The following CACNA2D1 variants were observed in gnomAD, a reference collection of about 807,000 sequenced individuals.
The protein encoded by CACNA2D1 is voltage-dependent calcium channel subunit alpha-2/delta-1.
In CACNA2D1, 53 loss-of-function variants were observed where a neutral mutation model predicts 171.5. The ratio of observed to expected loss-of-function variants is 0.31; its 90% CI spans 0.25 to 0.39. The LOEUF (loss-of-function observed/expected upper bound fraction) is 0.39, where lower values mean the gene tolerates loss of function less well. CACNA2D1 is among the 10% of genes least tolerant of loss of function. The probability of loss-of-function intolerance (pLI) is 1.00; values close to 1 mark genes in which losing one functional copy is unlikely to be tolerated. For missense variants in CACNA2D1, 903 were observed against 1,299.8 expected, an observed-to-expected ratio of 0.69 and a Z score of 4.69; for synonymous variants, 442 against 443.1, an observed-to-expected ratio of 1.00 and a Z score of 0.03.
At chr7:82,379,388 C>T (rs1585724774) in intron 1 of CACNA2D1, among the ~76,000 whole-genome samples, 1 of 152,112 alleles carries the variant, frequency 6.6e-6, no homozygotes, top group Non-Finnish European at 1.5e-5. Context: ...ATCATAGAAG[C>T]ATCTAAATAT....
chr7:82,083,733 G>A lies in CACNA2D1; in HGVS notation c.658+1036C>T, dbSNP rs576063648. 2.0e-5 allele frequency among the ~76,000 whole-genome samples: 3 copies of A among 152,250 alleles called. No homozygotes were observed. In the South Asian group the frequency reaches 6.2e-4, roughly 32 times the overall value. On this transcript the variant is annotated intron_variant, in intron 7 of 38. Coordinates refer to ENST00000356860, the MANE Select transcript of CACNA2D1 (RefSeq NM_000722.4). ...ACCATCTGGCATCTGCAACCCTGCA[G>A]AAGTTATATGGTTTTTACCTAATTT...
At chr7:82,384,302 T>A (rs544104731) in intron 1 of CACNA2D1, among the ~76,000 whole-genome samples, 2 of 152,110 alleles carry the variant, frequency 1.3e-5, no homozygotes, top group African/African-American at 4.8e-5. Context: ...TTAGATGAGA[T>A]CATGAGTATG....
intron 3 of CACNA2D1, among the ~76,000 whole-genome samples, chr7:82,218,124 C>T (rs1326792039): frequency 1.3e-5 from 2 of 151,660 alleles, no homozygotes; most frequent in Non-Finnish European, 2.9e-5. Context: ...TTAGTAGAGA[C>T]GTGGTTTCAC....
At chr7:82,150,422 T>TAA (rs3839798) in intron 4 of CACNA2D1, among the ~76,000 whole-genome samples, 9 of 140,732 alleles carry the variant, frequency 6.4e-5, no homozygotes, top group African/African-American at 1.6e-4. Flanking sequence ...AGCTTTCCCT[T>TAA]AAAAAAAAAA....
At chr7:82,199,396 C>T (rs961268635) in intron 3 of CACNA2D1, among the ~76,000 whole-genome samples, 2 of 152,016 alleles carry the variant, frequency 1.3e-5, no homozygotes, top group African/African-American at 4.8e-5. Flanking sequence ...TTTGTTTCAT[C>T]ATAAATGAAC....
intron 3 of CACNA2D1, among the ~76,000 whole-genome samples, chr7:82,307,051 G>C (rs1250883813): frequency 6.6e-6 from 1 of 152,116 alleles, no homozygotes; most frequent in Non-Finnish European, 1.5e-5. Flanking sequence ...AGGGTTCTAT[G>C]CTCCCACAGC....
In CACNA2D1 at chr7:82,300,489, T is replaced by C. The variant is rs1287975388; in HGVS notation, c.294+34646A>G. Among the ~76,000 whole-genome samples the C allele has an allele frequency of 5.3e-5, 8 of 152,300 alleles. No homozygotes were observed. The East Asian group carries it at 1.5e-3, about 29-fold the overall frequency. On this transcript the variant is annotated intron_variant, in intron 3 of 38. Coordinates refer to ENST00000356860, the MANE Select transcript of CACNA2D1 (RefSeq NM_000722.4). ...AAGTAAAAGCCATGAGTAATTCATA[T>C]AAAACTAAAGGTTATCAGAATATAT...
intron 5 of CACNA2D1, among the ~76,000 whole-genome samples, 153 bp from the exon 6 acceptor site, chr7:82,117,326 A>G (rs1789181383): frequency 6.6e-6 from 1 of 152,150 alleles, no homozygotes; most frequent in South Asian, 2.1e-4. Context: ...GGATACACAA[A>G]TTTCCATTCA....
At chr7:81,978,218 CCAG>C (rs1465242517) in intron 24 of CACNA2D1, among the ~76,000 whole-genome samples, 2 of 152,008 alleles carry the variant, frequency 1.3e-5, no homozygotes, top group African/African-American at 4.8e-5. Flanking sequence ...GCCATTTGAC[CCAG>C]CAATCCCATT....
chr7:82,217,573 A>G (rs1404766019), intron 3 of CACNA2D1, among the ~76,000 whole-genome samples: 1 of 150,366 alleles, frequency 6.7e-6, no homozygotes, highest in Non-Finnish European at 1.5e-5. Context: ...TTCAGCAGTT[A>G]TACAGCAGTC....
intron 3 of CACNA2D1, among the ~76,000 whole-genome samples, chr7:82,309,688 G>C (rs570233603): frequency 2.9e-4 from 44 of 152,262 alleles, no homozygotes; most frequent in Middle Eastern, 3.4e-3. Context: ...CTGGAGTCTG[G>C]AGAAGTGGCC....
At chr7:82,012,887 T>C (rs2130934248) in intron 14 of CACNA2D1, among the ~76,000 whole-genome samples, 1 of 152,240 alleles carries the variant, frequency 6.6e-6, no homozygotes, top group South Asian at 2.1e-4. Context: ...AATTTATGAT[T>C]ATTTAAAAAG....
At chr7:82,152,147 G>A (rs1793920537) in intron 4 of CACNA2D1, among the ~76,000 whole-genome samples, 1 of 151,756 alleles carries the variant, frequency 6.6e-6, no homozygotes. Context: ...ATTAATCAAT[G>A]CTTATAAGTA....
At chr7:82,081,137 G>A (rs967775537) in intron 7 of CACNA2D1, among the ~76,000 whole-genome samples, 1 of 152,136 alleles carries the variant, frequency 6.6e-6, no homozygotes, top group Non-Finnish European at 1.5e-5. Flanking sequence ...TTAAGTAGAA[G>A]TAACATATGT....
intron 3 of CACNA2D1, among the ~76,000 whole-genome samples, chr7:82,317,277 CA>C (rs1455535184): frequency 2.0e-5 from 3 of 152,122 alleles, no homozygotes; most frequent in African/African-American, 7.2e-5. Flanking sequence ...ACAAACACAA[CA>C]AAAATGTACA....
intron 3 of CACNA2D1, among the ~76,000 whole-genome samples, chr7:82,251,071 A>C (rs1805574314): frequency 6.6e-6 from 1 of 152,114 alleles, no homozygotes; most frequent in Non-Finnish European, 1.5e-5. Flanking sequence ...TGTATTCAAA[A>C]ATCTTCTTTA....
intron 7 of CACNA2D1, among the ~76,000 whole-genome samples, chr7:82,071,778 T>C (rs1808344115): frequency 6.6e-6 from 1 of 152,212 alleles, no homozygotes; most frequent in Non-Finnish European, 1.5e-5. Context: ...GTTTCTCCTG[T>C]CATGATGTAG....
At chr7:82,169,300 T>C (rs976780120) in intron 4 of CACNA2D1, among the ~76,000 whole-genome samples, 2 of 152,004 alleles carry the variant, frequency 1.3e-5, no homozygotes, top group African/African-American at 2.4e-5. Context: ...AATTGATCTT[T>C]ATTAACCTGT....
intron 3 of CACNA2D1, among the ~76,000 whole-genome samples, chr7:82,248,965 A>C (rs1805281095): frequency 1.3e-5 from 2 of 152,044 alleles, no homozygotes; most frequent in Non-Finnish European, 2.9e-5. Context: ...AAAATACAAA[A>C]AATTAGCTGG....
Sources: allele counts gnomAD v4.1 joint callset (sites outside exome capture counted in the v4.1 genomes callset), GRCh38; gene constraint gnomAD v4.1.1; transcripts MANE v1.5; gene names NCBI Gene and HGNC (gene_info 2026-07-23, HGNC 2026-07-21).